Variants in ADCY6 observed in about 807,000 individuals in gnomAD.
ADCY6 encodes the protein adenylate cyclase 6, also known as adenylate cyclase type 6.
ADCY6 carries 59 observed loss-of-function variants against 111.6 expected under a neutral mutation model. The observed-to-expected ratio is 0.53, with a 90% confidence interval of 0.43 to 0.66. ADCY6 has a LOEUF of 0.66. ADCY6 is among the 30% of genes least tolerant of loss of function. The probability of loss-of-function intolerance (pLI) is 0.00; values close to 1 mark genes in which losing one functional copy is unlikely to be tolerated. For missense variants in ADCY6, 1,242 were observed against 1,595.6 expected (o/e 0.78, Z 3.78); for synonymous variants, 576 against 642.9 (o/e 0.90, Z 1.57).
intron 1 of ADCY6, chr12:48,783,692 C>T (rs1309976039): frequency 5.4e-6 from 4 of 743,932 alleles, no homozygotes; most frequent in Non-Finnish European, 8.2e-6. Context: ...CCTGTAATCC[C>T]AGCACTTTGT....
At chr12:48,785,596 G>A (rs542609490) in intron 1 of ADCY6, among the ~76,000 whole-genome samples, 2 of 152,308 alleles carry the variant, frequency 1.3e-5, no homozygotes, top group African/African-American at 4.8e-5. Flanking sequence ...TCCAGCTTGG[G>A]CAATAAGAGC....
rs1941538502 is a variant in ADCY6, at chr12:48,771,447, T to C, written c.3051+263A>G. On this transcript the variant is annotated intron_variant, in intron 19 of 21. Transcript: ENST00000357869. This position sits in a 1 kb window ranked among gnomAD's most constrained non-coding sequence, Gnocchi z 4.3. ...GCCTTCTTCTTCAGTGACATCCACC[T>C]GGTACCTATCCTATCCCCCTACAGA... 1 of 593,120 alleles carries C rather than the reference T, an allele frequency of 1.7e-6. No individual in the cohort carries two copies. Among genetic ancestry groups the C allele is most frequent in the Admixed American group, 2.7e-5 (1 of 36,980 alleles). 36.7% of individuals were successfully genotyped at this position (593,120 alleles called of 1,614,324 possible). A position where few individuals can be genotyped will look rare whatever the true frequency, so the allele number is the denominator to read the frequency against.
intron 20 of ADCY6, 73 bp from the exon 21 acceptor site, chr12:48,769,134 C>A: frequency 7.2e-7 from 1 of 1,397,534 alleles, no homozygotes; most frequent in Non-Finnish European, 9.5e-7. Context: ...CACCTCCTGG[C>A]ACTGGTAGAA....
rs1037254707 is a variant in ADCY6 at position 48,778,872 on chromosome 12, A to ATTTTTTTTTTTTTTTTTTT, written c.865-634_865-616dup. On this transcript the variant is annotated intron_variant, in intron 2 of 21. Coordinates refer to ENST00000357869, the MANE Select transcript of ADCY6 (RefSeq NM_015270.5). The stretch of plus-strand genomic sequence containing the variant: ...GTGTCTTCTATACACTGAATAACAC[A>ATTTTTTTTTTTTTTTTTTT]TTTTTTTTTTTTTTTTTTTTTTTTT... Among the ~76,000 whole-genome samples, 4 of 72,412 alleles carry ATTTTTTTTTTTTTTTTTTT rather than the reference A, an allele frequency of 5.5e-5. 1 individual carries two copies. Among genetic ancestry groups the ATTTTTTTTTTTTTTTTTTT allele is most frequent in the African/African-American group, 2.4e-4 (4 of 16,708 alleles). The allele number at this position is 72,412 out of a possible 152,430, so 47.5% of individuals were successfully genotyped here. A position where few individuals can be genotyped will look rare whatever the true frequency, so the allele number is the denominator to read the frequency against.
Position 48,775,970 on chromosome 12 carries a change from C to T in ADCY6, c.1799G>A (p.Arg600His). Residue 600 changes from arginine (R) to histidine (H), a missense_variant, in exon 9 of 22, where the codon CGC (arginine) becomes CAC (histidine). Arg to His is a conservative substitution (Grantham distance 29, BLOSUM62 0). Around this residue, in one of 4 missense-constraint regions of ADCY6, gnomAD observed 375 missense variants for 432.5 expected, o/e 0.87. Coordinates refer to ENST00000357869, the MANE Select transcript of ADCY6 (RefSeq NM_015270.5). ...FSRTKDSKAF[R>H]QMGIDDSSKD... The stretch of plus-strand genomic sequence containing the variant: ...GTGCTGAGGGCCCCTCACCATCTGG[C>T]GGAAGGCCTTGGAGTCCTTGGTCCG... 7 of 1,602,704 alleles carry T rather than the reference C, an allele frequency of 4.4e-6. No individual in the cohort carries two copies. Among genetic ancestry groups the T allele is most frequent in the Non-Finnish European group, 6.0e-6 (7 of 1,174,718 alleles).
Position 48,768,944 on chromosome 12 carries a change from C to T in ADCY6, c.3374G>A (p.Arg1125Gln), listed in dbSNP as rs148471651. The change falls in exon 21 of 22, where the codon CGA (arginine) becomes CAA (glutamine). Residue 1125 changes from arginine (R) to glutamine (Q), a missense_variant. Physicochemically the swap from Arg to Gln is conservative, Grantham distance 43. Coordinates refer to ENST00000357869, the MANE Select transcript of ADCY6 (RefSeq NM_015270.5). ...SRMDSTGVPD[R>Q]IQVTTDLYQV... ...TGCTCATATCCCCCTCACCTGGATT[C>T]GGTCGGGGACCCCCGTGCTGTCCAT... The T allele has an allele frequency of 3.1e-6, 5 of 1,610,324 alleles. No individual in the cohort carries two copies. Among genetic ancestry groups the T allele is most frequent in the South Asian group, 2.2e-5 (2 of 90,334 alleles).
In ADCY6 at chr12:48,777,710, G is replaced by A. The variant is rs575900624; in HGVS notation, c.1041C>T (p.Pro347=). 4 of 1,614,112 alleles carry A rather than the reference G, an allele frequency of 2.5e-6. No individual in the cohort carries two copies. The highest frequency in any genetic ancestry group is 2.5e-6 in the Non-Finnish European group (3 of 1,180,020). ...QQERLLLSVL[P]QHVAMEMKED... is the part of the protein sequence containing the mutation. Reference sequence around the variant, plus strand: ...CTTTCATCTCCATGGCAACGTGCTGGGGCAATACCGACAGCAGCAGCCGCT... The same window carrying A: ...CTTTCATCTCCATGGCAACGTGCTGAGGCAATACCGACAGCAGCAGCCGCT... The change falls in exon 4 of 22, where the codon CCC becomes CCT. Residue 347 remains proline (P), a synonymous_variant. Coordinates refer to ENST00000357869, the MANE Select transcript of ADCY6 (RefSeq NM_015270.5). The surrounding 1 kb of genome is among the most constrained non-coding windows in gnomAD (Gnocchi z 4.9).
chr12:48,775,484 T>C (rs1171314748), intron 10 of ADCY6, 34 bp from the exon 11 acceptor site: 4 of 1,612,482 alleles, frequency 2.5e-6, no homozygotes, highest in Non-Finnish European at 3.4e-6. Context: ...ACCAGTTGCA[T>C]GGGCATGGCC....
chr12:48,769,378 G>A (rs976678792), intron 20 of ADCY6, among the ~76,000 whole-genome samples: 4 of 146,116 alleles, frequency 2.7e-5, no homozygotes, highest in African/African-American at 7.7e-5. Flanking sequence ...ATTGTGCCAC[G>A]GCACTCTAGC....
In ADCY6 at chr12:48,782,836, C is replaced by T. The variant is rs770715651; in HGVS notation, c.599G>A (p.Arg200Gln). ...CATGGAGTCCTGGCGGAAGCTATGC[C>T]GGTTACACACCACCATGAGCCCCAC... ...LFVGLMVVCN[R>Q]HSFRQDSMWV... Residue 200 changes from arginine (R) to glutamine (Q), a missense_variant, in exon 2 of 22, where the codon CGG becomes CAG. Transcript: ENST00000357869. The surrounding 1 kb of genome is among the most constrained non-coding windows in gnomAD (Gnocchi z 4.3). The T allele has an allele frequency of 1.2e-6, 2 of 1,614,082 alleles. No individual in the cohort carries two copies. Among genetic ancestry groups the T allele is most frequent in the Non-Finnish European group, 1.7e-6 (2 of 1,179,950 alleles).
chr12:48,768,319 C>A lies in ADCY6; in HGVS notation c.*272G>T, dbSNP rs1941429648. On this transcript the variant is annotated 3_prime_UTR_variant, in exon 22 of 22. Coordinates refer to ENST00000357869, the MANE Select transcript of ADCY6 (RefSeq NM_015270.5). ...CCTCTGCTTCTGCTACTGACCCCTCCCCTGCTCCCAAAGGCTGGAAGATTG... is the reference window on the plus strand; with the variant it reads ...CCTCTGCTTCTGCTACTGACCCCTCACCTGCTCCCAAAGGCTGGAAGATTG... 4 of 521,638 alleles carry A rather than the reference C, an allele frequency of 7.7e-6. No individual in the cohort carries two copies. In the Admixed American group the frequency reaches 1.3e-4, roughly 17 times the overall value. The allele number at this position is 521,638 out of a possible 1,614,324, so 32.3% of individuals were successfully genotyped here. A position where few individuals can be genotyped will look rare whatever the true frequency, so the allele number is the denominator to read the frequency against.
Position 48,783,300 on chromosome 12 carries a change from G to A in ADCY6, c.135C>T (p.Ser45=). Residue 45 remains serine (S), a synonymous_variant, in exon 2 of 22, where the codon AGC becomes AGT. Transcript: ENST00000357869. ...TGGGTGGCTCTGCATCCCGGAGGCA[G>A]CTCATATAGCGGGGCGTGCAGAAGC... ...AGGFCTPRYM[S]CLRDAEPPSP... 6.2e-7 allele frequency: 1 copy of A among 1,613,278 alleles called. No individual in the cohort carries two copies. Among genetic ancestry groups the A allele is most frequent in the Non-Finnish European group, 8.5e-7 (1 of 1,179,746 alleles).
chr12:48,778,612 C>T (rs1234349028), intron 2 of ADCY6, among the ~76,000 whole-genome samples: 1 of 152,216 alleles, frequency 6.6e-6, no homozygotes, highest in Non-Finnish European at 1.5e-5. Flanking sequence ...TTTGCAGGTG[C>T]TCCTCCTTAA....
At chr12:48,768,844 G>T (rs1941444849) in intron 21 of ADCY6, 93 bp downstream of exon 21, 2 of 1,549,110 alleles carry the variant, frequency 1.3e-6, no homozygotes, top group African/African-American at 1.4e-5. Context: ...CAGAACACTA[G>T]CCACCCTACC....
intron 1 of ADCY6, among the ~76,000 whole-genome samples, chr12:48,784,899 T>G (rs1941952476): frequency 6.6e-6 from 1 of 152,118 alleles, no homozygotes; most frequent in Admixed American, 6.6e-5. Flanking sequence ...TCTCCTGACC[T>G]CATGATCTGC....
chr12:48,778,535 G>A (rs1403501707), intron 2 of ADCY6: 2 of 444,400 alleles, frequency 4.5e-6, no homozygotes, highest in Admixed American at 7.3e-5. Context: ...AAGTCATGGG[G>A]CCCAGCCCCA....
Position 48,778,155 on chromosome 12 carries a change from C to T in ADCY6, c.967G>A (p.Gly323Ser), listed in dbSNP as rs1403911261. Reference protein sequence around the residue: ...SQRQAFQETRGYIQARLHLQH... With the variant: ...SQRQAFQETRSYIQARLHLQH... ...AGGTGGAGCCGGGCCTGGATGTAAC[C>T]GCGGGTCTCCTGAAAGGCCTGGCGC... The change falls in exon 3 of 22, where the codon GGT becomes AGT. Residue 323 changes from glycine to serine, a missense_variant. Coordinates refer to ENST00000357869, the MANE Select transcript of ADCY6 (RefSeq NM_015270.5). 8.1e-6 allele frequency: 13 copies of T among 1,613,770 alleles called. No individual in the cohort carries two copies. Among genetic ancestry groups the T allele is most frequent in the Middle Eastern group, 1.6e-4 (1 of 6,074 alleles).
chr12:48,786,215 G>A (rs768895460), intron 1 of ADCY6, among the ~76,000 whole-genome samples: 3 of 152,166 alleles, frequency 2.0e-5, no homozygotes, highest in African/African-American at 4.8e-5. Context: ...GATGGGCAGC[G>A]CTTGAAGCAG....
At chr12:48,778,872 ATTTTTTTTTTTTT>A (rs1037254707) in intron 2 of ADCY6, among the ~76,000 whole-genome samples, 3 of 72,414 alleles carry the variant, frequency 4.1e-5, no homozygotes, top group South Asian at 5.3e-4. Context: ...TGAATAACAC[ATTTTTTTTTTTTT>A]TTTTTTTTTT....
Sources: allele counts gnomAD v4.1 joint callset (sites outside exome capture counted in the v4.1 genomes callset), GRCh38; gene constraint gnomAD v4.1.1; regional missense constraint gnomAD v4.1.1; non-coding constraint Gnocchi (gnomAD v3.1); transcripts MANE v1.5; gene names NCBI Gene and HGNC (gene_info 2026-07-23, HGNC 2026-07-21).